Variants in PCDHGA1 observed in about 807,000 individuals in gnomAD.
PCDHGA1 encodes the protein protocadherin gamma subfamily A, 1, also known as protocadherin gamma-A1.
A neutral mutation model predicts 58.0 loss-of-function variants in PCDHGA1; 32 were observed. The observed-to-expected ratio is 0.55, with a 90% confidence interval of 0.42 to 0.74. The LOEUF is 0.74. Ranked by LOEUF, PCDHGA1 falls within the 30% of genes least tolerant of loss-of-function variation. The probability of loss-of-function intolerance (pLI) is 0.00; values close to 1 mark genes in which losing one functional copy is unlikely to be tolerated. For synonymous variants in PCDHGA1, 498 were observed against 501.1 expected, an observed-to-expected ratio of 0.99 and a Z score of 0.08; for missense variants, 1,205 against 1,182.3, an observed-to-expected ratio of 1.02 and a Z score of -0.28.
chr5:141,420,846 T>C (rs2096528755), intron 1 of PCDHGA1, among the ~76,000 whole-genome samples: 1 of 152,252 alleles, frequency 6.6e-6, no homozygotes, highest in Non-Finnish European at 1.5e-5. Context: ...GTGTTCTTGG[T>C]AAAGTTTTAA....
intron 1 of PCDHGA1, among the ~76,000 whole-genome samples, chr5:141,456,691 G>A (rs564429451): frequency 3.3e-5 from 5 of 152,234 alleles, no homozygotes; most frequent in South Asian, 4.1e-4. Flanking sequence ...CTGGCCAGGC[G>A]TGGTGGCTCG....
intron 1 of PCDHGA1, chr5:141,364,735 T>G (rs1763510715): frequency 1.2e-6 from 2 of 1,613,916 alleles, no homozygotes; most frequent in Non-Finnish European, 1.7e-6. Context: ...GTTTCCGGGA[T>G]GAAGAGTTAA....
intron 2 of PCDHGA1, 106 bp downstream of exon 2, chr5:141,494,971 C>T (rs1244836841): frequency 1.3e-6 from 2 of 1,583,382 alleles, no homozygotes; most frequent in African/African-American, 1.3e-5. Context: ...ATGGCTTCTC[C>T]CTCAGTTTGA....
In PCDHGA1 at chr5:141,486,546, G is replaced by A. The variant is rs1156517969; in HGVS notation, c.2422-8261G>A. Reference sequence around the variant, plus strand: ...GATAATCCACCCTCTTTCTTTCAGAGGTCACATGAGGTGTTTGTTCCTGAG... The same window carrying A: ...GATAATCCACCCTCTTTCTTTCAGAAGTCACATGAGGTGTTTGTTCCTGAG... On this transcript the variant is annotated intron_variant, in intron 1 of 3. Coordinates refer to ENST00000517417, the MANE Select transcript of PCDHGA1 (RefSeq NM_018912.3). The surrounding 1 kb of genome is among the most constrained non-coding windows in gnomAD (Gnocchi z 5.0). 3 of 1,614,084 alleles carry A rather than the reference G, an allele frequency of 1.9e-6. No homozygotes were observed. The East Asian group carries it at 6.7e-5, about 36-fold the overall frequency.
chr5:141,395,819 T>A (rs2093315125), intron 1 of PCDHGA1: 1 of 152,210 alleles, frequency 6.6e-6, no homozygotes, highest in Admixed American at 6.5e-5. Context: ...ATGAACAAAC[T>A]TTAAAGATGG....
chr5:141,424,055 C>A, intron 1 of PCDHGA1: 2 of 1,007,784 alleles, frequency 2.0e-6, no homozygotes, highest in Non-Finnish European at 1.2e-6. Context: ...TTTTGCTGTG[C>A]CTTCACTGAT....
At chr5:141,349,791 AT>A (rs199730073) in intron 1 of PCDHGA1, among the ~76,000 whole-genome samples, 6 of 151,582 alleles carry the variant, frequency 4.0e-5, no homozygotes, top group South Asian at 4.2e-4. Context: ...ATCACTGAAG[AT>A]TTTTTTTTAC....
At chr5:141,413,785 C>G (rs771027783) in intron 1 of PCDHGA1, 17 of 1,613,070 alleles carry the variant, frequency 1.1e-5, no homozygotes, top group Non-Finnish European at 1.4e-5. Flanking sequence ...GGAGCACTCC[C>G]TAGATCGCGA....
intron 1 of PCDHGA1, chr5:141,356,657 G>A (rs769198002): frequency 5.0e-6 from 8 of 1,613,976 alleles, no homozygotes; most frequent in Non-Finnish European, 6.8e-6. Flanking sequence ...GACAATGCCC[G>A]AATCACTTAC....
chr5:141,356,711 A>G, intron 1 of PCDHGA1: 1 of 1,613,884 alleles, frequency 6.2e-7, no homozygotes, highest in Non-Finnish European at 8.5e-7. Flanking sequence ...CTGTCCTCCT[A>G]TGTCTCCATC....
At chr5:141,471,046 C>CT (rs1170588345) in intron 1 of PCDHGA1, among the ~76,000 whole-genome samples, 3,156 of 113,234 alleles carry the variant, frequency 0.028, 57 homozygotes, top group African/African-American at 0.046. Context: ...CCCAAGCCCT[C>CT]TTTTTTTTTT....
chr5:141,510,633 TACCA>T (rs2099882032), intron 3 of PCDHGA1, among the ~76,000 whole-genome samples: 1 of 152,110 alleles, frequency 6.6e-6, no homozygotes, highest in Admixed American at 6.6e-5. Flanking sequence ...AAGAGGTGGT[TACCA>T]TTATCATCCC....
intron 1 of PCDHGA1, chr5:141,413,946 G>A: frequency 6.2e-7 from 1 of 1,613,414 alleles, no homozygotes; most frequent in Non-Finnish European, 8.5e-7. Flanking sequence ...GTGTTCCTGA[G>A]AATTTGCCTG....
chr5:141,403,753 C>T lies in PCDHGA1; in HGVS notation c.2421+70648C>T, dbSNP rs767515334. 1.5e-5 allele frequency: 25 copies of T among 1,613,504 alleles called. No homozygotes were observed. In the South Asian group the frequency reaches 2.6e-4, roughly 17 times the overall value. On this transcript the variant is annotated intron_variant, in intron 1 of 3. Transcript: ENST00000517417. ...CCTGGCTGCTTACTGCAACAGCCAG[C>T]GACCTGGATGAGGGAATCAACGGAA...
intron 1 of PCDHGA1, among the ~76,000 whole-genome samples, chr5:141,380,691 G>C (rs1198645485): frequency 6.6e-6 from 1 of 152,212 alleles, no homozygotes; most frequent in Non-Finnish European, 1.5e-5. Flanking sequence ...TTTGTGTTCG[G>C]AGTAGTCTAT....
At chr5:141,495,852 TCTCA>T (rs1473070626) in intron 2 of PCDHGA1, among the ~76,000 whole-genome samples, 1 of 152,174 alleles carries the variant, frequency 6.6e-6, no homozygotes, top group Non-Finnish European at 1.5e-5. Flanking sequence ...TTTCTCTGTC[TCTCA>T]CTATTTCTGC....
chr5:141,337,538 T>C (rs1756688861), intron 1 of PCDHGA1, among the ~76,000 whole-genome samples: 1 of 152,210 alleles, frequency 6.6e-6, no homozygotes, highest in Non-Finnish European at 1.5e-5. Flanking sequence ...ACAAATACTG[T>C]ATGATTCCTC....
chr5:141,466,223 T>C (rs1313406487), intron 1 of PCDHGA1, among the ~76,000 whole-genome samples: 1 of 152,096 alleles, frequency 6.6e-6, no homozygotes, highest in African/African-American at 2.4e-5. Context: ...CAGGCTGGAG[T>C]GCAGTGGCAC....
intron 1 of PCDHGA1, chr5:141,351,758 T>C (rs765031042): frequency 6.2e-7 from 1 of 1,613,626 alleles, no homozygotes; most frequent in Non-Finnish European, 8.5e-7. Context: ...GCTGTTGTCC[T>C]ACGTGTCCGT....
Sources: gnomAD v4.1 joint callset for allele counts (sites outside exome capture counted in the v4.1 genomes callset) on GRCh38, gnomAD v4.1.1 for gene constraint, Gnocchi (gnomAD v3.1) non-coding constraint, MANE v1.5 for transcripts, NCBI Gene and HGNC (gene_info 2026-07-23, HGNC 2026-07-21) for gene names.